The following TMEM94 variants were observed in gnomAD, a reference collection of about 807,000 sequenced individuals.
TMEM94 encodes the protein ER Mg2+ ATPase.
TMEM94 carries 81 observed loss-of-function variants against 158.6 expected under a neutral mutation model. The observed-to-expected ratio is 0.51, with a 90% CI of 0.43 to 0.61. TMEM94 has a LOEUF of 0.61. TMEM94 is among the 20% of genes least tolerant of loss of function. TMEM94 has a pLI of 0.00. For missense variants in TMEM94, 1,435 were observed against 1,762.0 expected (o/e 0.81, Z 3.32); for synonymous variants, 751 against 730.7 (o/e 1.03, Z -0.45).
rs1205186052 is a variant in TMEM94, at chr17:75,492,994, A to G, written c.1978A>G (p.Ser660Gly). The G allele has an allele frequency of 1.2e-6, 2 of 1,613,796 alleles. No homozygotes were observed. Among genetic ancestry groups the G allele is most frequent in the East Asian group, 2.2e-5 (1 of 44,876 alleles). The change falls in exon 16 of 32, where the codon AGT becomes GGT. Residue 660 changes from serine (S) to glycine (G), a missense_variant. Ser to Gly is a moderately conservative substitution (Grantham distance 56, BLOSUM62 0). Coordinates refer to ENST00000314256, the MANE Select transcript of TMEM94 (RefSeq NM_014738.6). The surrounding 1 kb of genome is among the most constrained non-coding windows in gnomAD (Gnocchi z 4.4). ...ENHLALYRLP[S>G]AETMKETSLG... is the part of the protein sequence containing the mutation. ...CCATCTGGCGCTGTACCGCCTCCCC[A>G]GTGCCGAGACAATGAAGGAGACATC... is the stretch of plus-strand genomic sequence containing the variant.
chr17:75,499,351 G>A lies in TMEM94; in HGVS notation c.*17G>A. The A allele has an allele frequency of 1.2e-6, 2 of 1,610,788 alleles. No individual in the cohort carries two copies. Among genetic ancestry groups the A allele is most frequent in the Non-Finnish European group, 1.7e-6 (2 of 1,177,534 alleles). ...CCCTTCTGAGCCACTGGCTGTGGTG[G>A]CTGTAGTTGCCCCCGTCCCTGGGGC... On this transcript the variant is annotated 3_prime_UTR_variant, in exon 32 of 32. Coordinates refer to ENST00000314256, the MANE Select transcript of TMEM94 (RefSeq NM_014738.6).
At chr17:75,478,243 T>G (rs2050857398) in intron 2 of TMEM94, among the ~76,000 whole-genome samples, 2 of 136,270 alleles carry the variant, frequency 1.5e-5, no homozygotes, top group African/African-American at 5.5e-5. Context: ...GGTCTCGATC[T>G]CCTGACCTCG....
chr17:75,489,853 G>A lies in TMEM94; in HGVS notation c.954+191G>A. 1.6e-6 allele frequency: 1 copy of A among 615,116 alleles called. No individual in the cohort carries two copies. The highest frequency in any genetic ancestry group is 2.9e-6 in the Non-Finnish European group (1 of 344,662). The allele number at this position is 615,116 out of a possible 1,614,324, so 38.1% of individuals were successfully genotyped here. ...CCAAGCACTTTGGGAGGCCACGGCA[G>A]GCAGATCATGAGGTCAAGAGATCGA... On this transcript the variant is annotated intron_variant, in intron 9 of 31. Transcript: ENST00000314256. The surrounding 1 kb of genome is among the most constrained non-coding windows in gnomAD (Gnocchi z 5.0).
chr17:75,469,345 A>AT (rs10711780), intron 1 of TMEM94, among the ~76,000 whole-genome samples: 54 of 124,742 alleles, frequency 4.3e-4, no homozygotes, highest in Admixed American at 1.6e-3. Context: ...TTAACCCTAA[A>AT]TTTTTTTTTT....
At position 75,495,560 on chromosome 17, in the gene TMEM94, G is replaced by A; in HGVS notation, c.2861G>A (p.Gly954Asp). ...TTTCTCCAGGCCAAGCTGCCCCGGGGTATCCACCAAGTGCGGCCCCACCTG... is the reference window on the plus strand; with the variant it reads ...TTTCTCCAGGCCAAGCTGCCCCGGGATATCCACCAAGTGCGGCCCCACCTG... ...EDSNRAKLPR[G>D]IHQVRPHLQN... is the part of the protein sequence containing the mutation. Residue 954 changes from glycine to aspartate, a missense_variant, in exon 22 of 32, where the codon GGT becomes GAT. Around this residue, in one of 3 missense-constraint regions of TMEM94, gnomAD observed 1,051 missense variants for 1,254.4 expected, o/e 0.84. Coordinates refer to ENST00000314256, the MANE Select transcript of TMEM94 (RefSeq NM_014738.6). This position sits in a 1 kb window ranked among gnomAD's most constrained non-coding sequence, Gnocchi z 5.6. The A allele has an allele frequency of 6.2e-7, 1 of 1,613,550 alleles. No homozygotes were observed. Among genetic ancestry groups the A allele is most frequent in the Non-Finnish European group, 8.5e-7 (1 of 1,180,004 alleles).
At chr17:75,460,852 T>C (rs1233793449) in intron 1 of TMEM94, among the ~76,000 whole-genome samples, 1 of 152,076 alleles carries the variant, frequency 6.6e-6, no homozygotes, top group African/African-American at 2.4e-5. Flanking sequence ...CATTTTCCAT[T>C]GTAACCAGTT....
chr17:75,471,982 T>C, intron 2 of TMEM94, 53 bp downstream of exon 2: 11 of 1,585,658 alleles, frequency 6.9e-6, no homozygotes, highest in Non-Finnish European at 9.5e-6. Flanking sequence ...TCTGTTGAAC[T>C]CTTTCCTACT....
intron 1 of TMEM94, among the ~76,000 whole-genome samples, chr17:75,468,658 A>G (rs1427575483): frequency 1.3e-5 from 2 of 152,170 alleles, no homozygotes; most frequent in African/African-American, 4.8e-5. Flanking sequence ...TTTGAAAGGC[A>G]GGGGTGGAAG....
chr17:75,463,174 G>GTATATATATATATATATA (rs1483017222), intron 1 of TMEM94, among the ~76,000 whole-genome samples: 8 of 4,852 alleles, frequency 1.6e-3, no homozygotes, highest in African/African-American at 6.7e-3. Context: ...GTGTGTGTGT[G>GTATATATATATATATATA]TGTGTATATA....
chr17:75,492,536 G>A lies in TMEM94; in HGVS notation c.1659G>A (p.Leu553=), dbSNP rs777651600. The A allele has an allele frequency of 6.2e-7, 1 of 1,613,582 alleles. No homozygotes were observed. Among genetic ancestry groups the A allele is most frequent in the Non-Finnish European group, 8.5e-7 (1 of 1,179,736 alleles). ...AGGACTTTGTGTGTGACTACCACCT[G>A]GAGATGCTGAGCCTGTCCCAGGACC... ...EAEDFVCDYH[L]EMLSLSQDQQ... Residue 553 remains leucine (L), a synonymous_variant, in exon 15 of 32, where the codon CTG becomes CTA. Transcript: ENST00000314256. This position sits in a 1 kb window ranked among gnomAD's most constrained non-coding sequence, Gnocchi z 4.4.
At position 75,463,063 on chromosome 17, in the gene TMEM94, TATATATATATATATATACAC is replaced by T. The variant is rs1350889954; in HGVS notation, c.-107+6314_-107+6333del. 3.5e-4 allele frequency among the ~76,000 whole-genome samples: 5 copies of T among 14,110 alleles called. No individual in the cohort carries two copies. The African/African-American group carries it at 4.4e-3, about 12-fold the overall frequency. 9.3% of individuals were successfully genotyped at this position (14,110 alleles called of 152,430 possible). A position where few individuals can be genotyped will look rare whatever the true frequency, so the allele number is the denominator to read the frequency against. Reference sequence around the variant, plus strand: ...ATATATATATATATATATATATATATATATATATATATATATACACACACACACACATATATATGTGTGTA... The same window carrying T: ...ATATATATATATATATATATATATATACACACACACATATATATGTGTGTA... On this transcript the variant is annotated intron_variant, in intron 1 of 31. Transcript: ENST00000314256.
In TMEM94 at chr17:75,489,496, T is replaced by C. The variant is rs2051946200; in HGVS notation, c.868-80T>C. 3.4e-6 allele frequency: 5 copies of C among 1,491,586 alleles called. No individual in the cohort carries two copies. Among genetic ancestry groups the C allele is most frequent in the Non-Finnish European group, 4.7e-6 (5 of 1,069,776 alleles). The allele number at this position is 1,491,586 out of a possible 1,614,324, so 92.4% of individuals were successfully genotyped here. Reference sequence around the variant, plus strand: ...TCCCAGAGTGAGCCAGCCTGTGGAGTAGCAAAGGAAGGGGAACGGCAGTGC... The same window carrying C: ...TCCCAGAGTGAGCCAGCCTGTGGAGCAGCAAAGGAAGGGGAACGGCAGTGC... On this transcript the variant is annotated intron_variant, in intron 8 of 31. Coordinates refer to ENST00000314256, the MANE Select transcript of TMEM94 (RefSeq NM_014738.6). This position sits in a 1 kb window ranked among gnomAD's most constrained non-coding sequence, Gnocchi z 5.0.
rs1038192758 is a variant in TMEM94 at position 75,485,385 on chromosome 17, C to T, written c.25-43C>T. The T allele has an allele frequency of 6.3e-7, 1 of 1,598,912 alleles. No individual in the cohort carries two copies. The highest frequency in any genetic ancestry group is 8.5e-7 in the Non-Finnish European group (1 of 1,169,700). ...TTGGGGCCCGCGTGCCTTGCATAGC[C>T]TTGGCCTGGCAGTGACGCCCAGCGC... On this transcript the variant is annotated intron_variant, in intron 2 of 31. Transcript: ENST00000314256. This position sits in a 1 kb window ranked among gnomAD's most constrained non-coding sequence, Gnocchi z 5.5.
In TMEM94 at chr17:75,492,920, G is replaced by A. The variant is rs750459290; in HGVS notation, c.1913-9G>A. 2.3e-4 allele frequency: 374 copies of A among 1,609,340 alleles called. No individual in the cohort carries two copies. Among genetic ancestry groups the A allele is most frequent in the Non-Finnish European group, 2.8e-4 (333 of 1,177,226 alleles). ...GCATGGCCCTAAGTTCCTGTTCCCC[G>A]CCCTGCAGGCTTCACTCCTGGGGCC... On this transcript the variant is annotated splice_polypyrimidine_tract_variant and intron_variant, in intron 15 of 31. Coordinates refer to ENST00000314256, the MANE Select transcript of TMEM94 (RefSeq NM_014738.6). This position sits in a 1 kb window ranked among gnomAD's most constrained non-coding sequence, Gnocchi z 4.4.
intron 1 of TMEM94, chr17:75,457,722 A>C (rs369885501): frequency 2.7e-4 from 41 of 152,360 alleles, no homozygotes; most frequent in African/African-American, 9.1e-4. Flanking sequence ...AGATGGAAGC[A>C]GGGAGGGGGC....
intron 2 of TMEM94, among the ~76,000 whole-genome samples, chr17:75,479,224 A>G (rs1446346320): frequency 1.3e-5 from 2 of 152,064 alleles, no homozygotes; most frequent in Admixed American, 6.6e-5. Context: ...TCCCAGCCCT[A>G]TGGGAGGCGG....
At position 75,498,710 on chromosome 17, in the gene TMEM94, C is replaced by CA; in HGVS notation, c.3816dup (p.Val1273SerfsTer53). On this transcript the variant is annotated frameshift_variant, in exon 30 of 32. Coordinates refer to ENST00000314256, the MANE Select transcript of TMEM94 (RefSeq NM_014738.6). LOFTEE classifies it high-confidence loss of function. The surrounding 1 kb of genome is among the most constrained non-coding windows in gnomAD (Gnocchi z 6.7). ...TTGACCAACCTCTGGTGGGCCGTGA[C>CA]AGTGCCTGTGGTGTGAGTATTGCTA... 1 of 1,569,448 alleles carries CA rather than the reference C, an allele frequency of 6.4e-7. No homozygotes were observed. Among genetic ancestry groups the CA allele is most frequent in the Non-Finnish European group, 8.6e-7 (1 of 1,156,388 alleles).
In TMEM94 at chr17:75,499,413, TCATGAATGTTTC is replaced by T. The variant is rs2053095245; in HGVS notation, c.*82_*93del. 7.3e-7 allele frequency: 1 copy of T among 1,377,654 alleles called. No homozygotes were observed. The highest frequency in any genetic ancestry group is 1.8e-5 in the Admixed American group (1 of 56,990). The allele number at this position is 1,377,654 out of a possible 1,614,324, so 85.3% of individuals were successfully genotyped here. A position where few individuals can be genotyped will look rare whatever the true frequency, so the allele number is the denominator to read the frequency against. On this transcript the variant is annotated 3_prime_UTR_variant, in exon 32 of 32. Coordinates refer to ENST00000314256, the MANE Select transcript of TMEM94 (RefSeq NM_014738.6). Reference sequence around the variant, plus strand: ...CCATTTCTGAACAGGGGAGTTTGTATCATGAATGTTTCCAGGTTTGCTCCTGCACCCGTGGCA... The same window carrying T: ...CCATTTCTGAACAGGGGAGTTTGTATCAGGTTTGCTCCTGCACCCGTGGCA...
chr17:75,489,568 C>G lies in TMEM94; in HGVS notation c.868-8C>G, dbSNP rs190886967. 109 of 1,613,544 alleles carry G rather than the reference C, an allele frequency of 6.8e-5. No individual in the cohort carries two copies. In the African/African-American group the frequency reaches 1.2e-3, roughly 18 times the overall value. The stretch of plus-strand genomic sequence containing the variant: ...GGGTCAAGGCTGTGCCTCTGCTGTT[C>G]CCAACAGGCCGGCTTCCTCATCACC... On this transcript the variant is annotated splice_region_variant and splice_polypyrimidine_tract_variant and intron_variant, in intron 8 of 31. Transcript: ENST00000314256. This position sits in a 1 kb window ranked among gnomAD's most constrained non-coding sequence, Gnocchi z 5.0.
Sources: gnomAD v4.1 joint callset for allele counts (sites outside exome capture counted in the v4.1 genomes callset) on GRCh38, gnomAD v4.1.1 for gene constraint, gnomAD v4.1.1 regional missense constraint, Gnocchi (gnomAD v3.1) non-coding constraint, MANE v1.5 for transcripts, NCBI Gene and HGNC (gene_info 2026-07-23, HGNC 2026-07-21) for gene names.